Variants in ADGRL2 observed in about 807,000 individuals in gnomAD.
ADGRL2 encodes calcium-independent alpha-latrotoxin receptor 2.
Under a neutral mutation model 157.4 loss-of-function variants are expected in ADGRL2, and 44 were observed. The ratio of observed to expected loss-of-function variants is 0.28; its 90% CI spans 0.22 to 0.36. ADGRL2 has a LOEUF of 0.36. Ranked by LOEUF, ADGRL2 falls within the 10% of genes least tolerant of loss-of-function variation. The pLI is 1.00. For synonymous variants in ADGRL2, 585 were observed against 624.7 expected, an observed-to-expected ratio of 0.94 and a Z score of 0.95; for missense variants, 1,510 against 1,768.9, an observed-to-expected ratio of 0.85 and a Z score of 2.63.
chr1:81,551,648 T>A (rs2080149093), intron 2 of ADGRL2, among the ~76,000 whole-genome samples: 1 of 152,180 alleles, frequency 6.6e-6, no homozygotes. Context: ...ATAGTCTGCC[T>A]ATAATGTCTA....
chr1:81,455,498 C>G (rs1201850237), intron 2 of ADGRL2, among the ~76,000 whole-genome samples: 2 of 152,138 alleles, frequency 1.3e-5, no homozygotes, highest in Non-Finnish European at 2.9e-5. Flanking sequence ...AATCCCGGTA[C>G]TGAGCTTGTT....
chr1:81,899,465 G>A (rs1447561862), intron 2 of ADGRL2, among the ~76,000 whole-genome samples: 2 of 152,166 alleles, frequency 1.3e-5, no homozygotes, highest in African/African-American at 4.8e-5. Context: ...CTAAAGCAGA[G>A]AGAGTTATAT....
chr1:81,490,900 T>C (rs2078618014), intron 2 of ADGRL2, among the ~76,000 whole-genome samples: 1 of 152,114 alleles, frequency 6.6e-6, no homozygotes, highest in African/African-American at 2.4e-5. Context: ...CCACCAACAA[T>C]AGAATGGATA....
chr1:81,310,175 G>A (rs1659647953), intron 1 of ADGRL2, among the ~76,000 whole-genome samples: 1 of 152,134 alleles, frequency 6.6e-6, no homozygotes. Context: ...GTCTGACGGT[G>A]AAACATTGAA....
intron 2 of ADGRL2, among the ~76,000 whole-genome samples, chr1:81,792,383 T>C (rs1274628846): frequency 6.6e-6 from 1 of 152,220 alleles, no homozygotes; most frequent in Non-Finnish European, 1.5e-5. Flanking sequence ...AAGGACAATG[T>C]ATTCTGAATT....
At chr1:81,450,917 T>C (rs2077691799) in intron 2 of ADGRL2, among the ~76,000 whole-genome samples, 1 of 152,142 alleles carries the variant, frequency 6.6e-6, no homozygotes, top group South Asian at 2.1e-4. Flanking sequence ...GTTGATTTTG[T>C]TCATTCCATA....
chr1:81,596,052 C>A (rs1208595654), intron 3 of ADGRL2: 3 of 331,250 alleles, frequency 9.1e-6, no homozygotes, highest in Non-Finnish European at 1.8e-5. Flanking sequence ...ATGACCTAGT[C>A]ACCTACTGAA....
rs565515610 is a variant in ADGRL2 at position 81,898,703 on chromosome 1, C to T, written c.74-8314C>T. Among the ~76,000 whole-genome samples, 4 of 152,232 alleles carry T rather than the reference C, an allele frequency of 2.6e-5. No homozygotes were observed. In the South Asian group the frequency reaches 6.2e-4, roughly 24 times the overall value. ...TGCAGAGATGAGTGAAAAAGTTGGACTATCAGTGACAACTTATCTTTTAGG... is the reference window on the plus strand; with the variant it reads ...TGCAGAGATGAGTGAAAAAGTTGGATTATCAGTGACAACTTATCTTTTAGG... On this transcript the variant is annotated intron_variant, in intron 2 of 23. Coordinates refer to ENST00000686636, the MANE Select transcript of ADGRL2 (RefSeq NM_001366006.2).
rs1415637297 is a variant in ADGRL2, at chr1:81,943,568, A to C, written c.1009A>C (p.Ser337Arg). Residue 337 changes from serine to arginine, a missense_variant, in exon 6 of 24, where the codon AGT becomes CGT. Ser to Arg is a moderately radical substitution (Grantham distance 110). Transcript: ENST00000686636. The surrounding 1 kb of genome is among the most constrained non-coding windows in gnomAD (Gnocchi z 5.6). ...TAGGTCAGTTTATCAAGACAATGAAAGTGAAACAGGCAAGAACTCAATTGA... is the reference window on the plus strand; with the variant it reads ...TAGGTCAGTTTATCAAGACAATGAACGTGAAACAGGCAAGAACTCAATTGA... Reference protein sequence around the residue: ...VVRSVYQDNESETGKNSIDYI... With the variant: ...VVRSVYQDNERETGKNSIDYI... 6.2e-7 allele frequency: 1 copy of C among 1,613,646 alleles called. No homozygotes were observed. Among genetic ancestry groups the C allele is most frequent in the Non-Finnish European group, 8.5e-7 (1 of 1,179,718 alleles).
intron 11 of ADGRL2, among the ~76,000 whole-genome samples, chr1:81,958,752 A>G (rs1157312290): frequency 6.6e-6 from 1 of 152,122 alleles, no homozygotes; most frequent in Non-Finnish European, 1.5e-5. Context: ...GTGTCCTCAG[A>G]TGGGCCCTTC....
chr1:81,433,923 G>T (rs1269825484), intron 1 of ADGRL2, among the ~76,000 whole-genome samples: 1 of 152,160 alleles, frequency 6.6e-6, no homozygotes, highest in Non-Finnish European at 1.5e-5. Context: ...TAGAAGCTGT[G>T]TTGGGACTCT....
intron 8 of ADGRL2, 81 bp downstream of exon 8, chr1:81,951,202 A>T (rs1651686251): frequency 8.5e-6 from 8 of 945,944 alleles, no homozygotes; most frequent in Non-Finnish European, 1.4e-5. Context: ...TTTGTGTGTT[A>T]AAACCAGCTT....
At chr1:81,380,497 T>G (rs755689782) in intron 1 of ADGRL2, among the ~76,000 whole-genome samples, 4 of 152,214 alleles carry the variant, frequency 2.6e-5, no homozygotes, top group Admixed American at 2.6e-4. Flanking sequence ...ATGGTTTGAT[T>G]TGTTAAAATT....
Position 81,878,122 on chromosome 1 carries a change from C to T in ADGRL2, c.74-28895C>T, listed in dbSNP as rs565136372. Among the ~76,000 whole-genome samples, 68 of 152,198 alleles carry T rather than the reference C, an allele frequency of 4.5e-4. 2 individuals are homozygous for T. The highest frequency in any genetic ancestry group is 4.6e-4 in the Non-Finnish European group (31 of 67,960). ...AGTTTAGTCTCATCTGGTAAGCTTT[C>T]CAAGAGATTCAGGGAAGCCATAGCT... On this transcript the variant is annotated intron_variant, in intron 2 of 23. Coordinates refer to ENST00000686636, the MANE Select transcript of ADGRL2 (RefSeq NM_001366006.2).
intron 2 of ADGRL2, among the ~76,000 whole-genome samples, chr1:81,866,042 T>G (rs1324140042): frequency 6.6e-6 from 1 of 152,188 alleles, no homozygotes; most frequent in Admixed American, 6.5e-5. Flanking sequence ...AAGTTAGAGC[T>G]GAGATTAAAA....
intron 2 of ADGRL2, among the ~76,000 whole-genome samples, chr1:81,548,426 T>C (rs1354663868): frequency 2.0e-5 from 3 of 151,636 alleles, no homozygotes; most frequent in Non-Finnish European, 2.9e-5. Flanking sequence ...CAAGTTATAA[T>C]TGTGAGCGCT....
chr1:81,316,360 AG>A (rs1264042441), intron 1 of ADGRL2, among the ~76,000 whole-genome samples: 1 of 152,196 alleles, frequency 6.6e-6, no homozygotes, highest in Non-Finnish European at 1.5e-5. Context: ...CTTGATGTTC[AG>A]GATCAAACAA....
intron 3 of ADGRL2, among the ~76,000 whole-genome samples, chr1:81,589,223 C>T (rs1330284278): frequency 2.0e-5 from 3 of 152,106 alleles, no homozygotes; most frequent in African/African-American, 7.2e-5. Flanking sequence ...ATTGCCATAC[C>T]TCCTTTTCTA....
At chr1:81,912,681 G>A (rs575703363) in intron 3 of ADGRL2, among the ~76,000 whole-genome samples, 16 of 151,604 alleles carry the variant, frequency 1.1e-4, no homozygotes, top group African/African-American at 3.9e-4. Context: ...AAAAAAAAAC[G>A]GAACAGACGT....
Sources: gnomAD v4.1 joint callset for allele counts (sites outside exome capture counted in the v4.1 genomes callset) on GRCh38, gnomAD v4.1.1 for gene constraint, Gnocchi (gnomAD v3.1) non-coding constraint, MANE v1.5 for transcripts, NCBI Gene and HGNC (gene_info 2026-07-23, HGNC 2026-07-21) for gene names.